GLI3: variants seen among roughly 807,000 people sequenced by gnomAD.
GLI3 encodes GLI family zinc finger 3, also known as transcription activator GLI3.
GLI3 carries 20 observed loss-of-function variants against 100.8 expected under a neutral mutation model. That is an observed-to-expected ratio of 0.20 (90% CI 0.14 to 0.29). The LOEUF (loss-of-function observed/expected upper bound fraction) is 0.29. Ranked by LOEUF, GLI3 falls within the 10% of genes least tolerant of loss-of-function variation. The pLI is 1.00. For synonymous variants in GLI3, 938 were observed against 860.5 expected, an observed-to-expected ratio of 1.09 and a Z score of -1.58; for missense variants, 2,040 against 2,128.5, an observed-to-expected ratio of 0.96 and a Z score of 0.82.
intron 1 of GLI3, among the ~76,000 whole-genome samples, chr7:42,229,735 C>T (rs531428982): frequency 6.6e-6 from 1 of 152,186 alleles, no homozygotes; most frequent in Non-Finnish European, 1.5e-5. Context: ...TATTTAATAA[C>T]CCATTTCTCA....
intron 7 of GLI3, among the ~76,000 whole-genome samples, chr7:42,036,937 T>C (rs943927005): frequency 6.6e-6 from 1 of 151,682 alleles, no homozygotes; most frequent in Non-Finnish European, 1.5e-5. Flanking sequence ...AGTTCAGGAG[T>C]TCGAGACCAG....
At chr7:42,012,828 A>G (rs1171281863) in intron 10 of GLI3, among the ~76,000 whole-genome samples, 3 of 152,148 alleles carry the variant, frequency 2.0e-5, no homozygotes, top group Non-Finnish European at 4.4e-5. Context: ...TGACTGCTTT[A>G]TCTTGTGGTA....
chr7:41,978,793 A>T (rs1267521546), intron 10 of GLI3, 45 bp from the exon 11 acceptor site: 7 of 1,573,106 alleles, frequency 4.4e-6, no homozygotes, highest in Non-Finnish European at 4.4e-6. Flanking sequence ...AAACGTATTC[A>T]TCATTTCTGA....
Position 41,965,174 on chromosome 7 carries a change from G to C in GLI3, c.3899C>G (p.Ala1300Gly). The C allele has an allele frequency of 6.2e-7, 1 of 1,613,932 alleles. No individual in the cohort carries two copies. The highest frequency in any genetic ancestry group is 8.5e-7 in the Non-Finnish European group (1 of 1,180,028). ...CATGCTGCCAGCTGACTCATTTGGC[G>C]CTACCGGCAGGCCGAAATTCAGCTG... is the stretch of plus-strand genomic sequence containing the variant. Reference protein sequence around the residue: ...GGQLNFGLPVAPNESAGSMVN... With the variant: ...GGQLNFGLPVGPNESAGSMVN... Residue 1300 changes from alanine to glycine, a missense_variant, in exon 15 of 15, where the codon GCG (alanine) becomes GGG (glycine). Transcript: ENST00000395925.
At chr7:42,225,778 C>G (rs530836816) in intron 1 of GLI3, among the ~76,000 whole-genome samples, 16 of 152,272 alleles carry the variant, frequency 1.1e-4, no homozygotes, top group Admixed American at 3.3e-4. Flanking sequence ...ATTCTAACAC[C>G]CTACACAAAC....
At chr7:42,144,822 C>A (rs1786662692) in intron 3 of GLI3, among the ~76,000 whole-genome samples, 1 of 152,126 alleles carries the variant, frequency 6.6e-6, no homozygotes. Flanking sequence ...GAAGGAATTG[C>A]TGTGAGTGTT....
chr7:42,115,133 C>CTT (rs56200386), intron 3 of GLI3, among the ~76,000 whole-genome samples: 2,495 of 99,578 alleles, frequency 0.025, 86 homozygotes, highest in African/African-American at 0.042. Context: ...AATTTTCCTA[C>CTT]TTTTTTTTTT....
chr7:42,194,974 T>C (rs1787898929), intron 2 of GLI3, among the ~76,000 whole-genome samples: 1 of 151,332 alleles, frequency 6.6e-6, no homozygotes, highest in Admixed American at 6.6e-5. Flanking sequence ...ACCATGTTGG[T>C]CAGGGTGTTC....
At chr7:42,067,853 G>C (rs1344651651) in intron 4 of GLI3, among the ~76,000 whole-genome samples, 4 of 152,148 alleles carry the variant, frequency 2.6e-5, no homozygotes, top group African/African-American at 9.7e-5. Context: ...TTTCAGTCTG[G>C]GGCCAGGCTT....
intron 3 of GLI3, chr7:42,118,250 C>T (rs543408558): frequency 2.5e-5 from 10 of 398,630 alleles, no homozygotes; most frequent in African/African-American, 6.2e-5. Context: ...ATAGTTTCCA[C>T]GGATGGCAGC....
chr7:42,018,043 C>T (rs1788819299), intron 10 of GLI3, among the ~76,000 whole-genome samples: 1 of 152,168 alleles, frequency 6.6e-6, no homozygotes, highest in Admixed American at 6.5e-5. Flanking sequence ...GATGGGGCTG[C>T]CACTCAGAAT....
intron 2 of GLI3, among the ~76,000 whole-genome samples, chr7:42,155,939 CT>C (rs917663366): frequency 9.9e-5 from 15 of 152,128 alleles, no homozygotes; most frequent in African/African-American, 3.6e-4. Context: ...TCCTGTGCCC[CT>C]GAACCCTCAC....
Position 42,073,979 on chromosome 7 carries a change from A to AT in GLI3, c.473+2772dup, listed in dbSNP as rs1256360863. ...TTTAAGATTTCTATAACCAAGCCAC[A>AT]TTTGCCTCGATTAGCCTCCACTTTC... On this transcript the variant is annotated intron_variant, in intron 4 of 14. Coordinates refer to ENST00000395925, the MANE Select transcript of GLI3 (RefSeq NM_000168.6). 3.3e-5 allele frequency among the ~76,000 whole-genome samples: 5 copies of AT among 152,312 alleles called. No homozygotes were observed. The East Asian group carries it at 9.6e-4, about 29-fold the overall frequency.
intron 10 of GLI3, among the ~76,000 whole-genome samples, chr7:41,993,649 T>G (rs1788047065): frequency 6.6e-6 from 1 of 152,212 alleles, no homozygotes; most frequent in South Asian, 2.1e-4. Context: ...GCCCAGCCTA[T>G]AGTAGGAACT....
At chr7:42,215,253 G>T (rs1291216638) in intron 2 of GLI3, among the ~76,000 whole-genome samples, 1 of 151,952 alleles carries the variant, frequency 6.6e-6, no homozygotes, top group Non-Finnish European at 1.5e-5. Context: ...CTCATAGAAC[G>T]GCACACCACA....
chr7:42,035,995 A>T (rs1562696362), intron 7 of GLI3, among the ~76,000 whole-genome samples: 1 of 152,228 alleles, frequency 6.6e-6, no homozygotes, highest in African/African-American at 2.4e-5. Flanking sequence ...ATTTTAAAAG[A>T]CTTGTCAGGT....
chr7:42,081,553 T>C (rs1784996835), intron 3 of GLI3, among the ~76,000 whole-genome samples: 1 of 152,144 alleles, frequency 6.6e-6, no homozygotes, highest in Non-Finnish European at 1.5e-5. Flanking sequence ...AAGGGTCTCA[T>C]TAGGAACGAG....
intron 2 of GLI3, among the ~76,000 whole-genome samples, chr7:42,189,694 A>C (rs1787787151): frequency 6.6e-6 from 1 of 152,202 alleles, no homozygotes; most frequent in African/African-American, 2.4e-5. Flanking sequence ...ACAGCAAGTA[A>C]GACCTGATGA....
At chr7:42,065,476 G>T (rs549536870) in intron 4 of GLI3, among the ~76,000 whole-genome samples, 3 of 151,910 alleles carry the variant, frequency 2.0e-5, no homozygotes, top group African/African-American at 4.8e-5. Flanking sequence ...ATGCATTAAA[G>T]AATAAAATAT....
Sources: gnomAD v4.1 joint callset for allele counts (sites outside exome capture counted in the v4.1 genomes callset) on GRCh38, gnomAD v4.1.1 for gene constraint, MANE v1.5 for transcripts, NCBI Gene and HGNC (gene_info 2026-07-23, HGNC 2026-07-21) for gene names.